PATL1: variants seen among roughly 807,000 people sequenced by gnomAD.
PATL1 encodes protein PAT1 homolog 1.
A neutral mutation model predicts 100.6 loss-of-function variants in PATL1; 32 were observed. The ratio of observed to expected loss-of-function variants is 0.32; its 90% confidence interval spans 0.24 to 0.43. PATL1 has a LOEUF of 0.43. Among genes scored for constraint, PATL1 ranks in the 20% least tolerant of loss-of-function variants. The pLI is 1.00. For synonymous variants in PATL1, 332 were observed against 330.0 expected, an observed-to-expected ratio of 1.01 and a Z score of -0.07; for missense variants, 747 against 949.9, an observed-to-expected ratio of 0.79 and a Z score of 2.81.
intron 16 of PATL1, among the ~76,000 whole-genome samples, chr11:59,640,147 G>A (rs1861255664): frequency 6.6e-6 from 1 of 150,832 alleles, no homozygotes; most frequent in Admixed American, 6.6e-5. Flanking sequence ...TTTGAGACCA[G>A]CCTGATCAAA....
intron 5 of PATL1, 78 bp downstream of exon 5, chr11:59,657,452 C>G (rs769185514): frequency 6.8e-6 from 9 of 1,324,668 alleles, no homozygotes; most frequent in Non-Finnish European, 9.1e-6. Context: ...CCACCCTCCA[C>G]CCAACATCAC....
intron 1 of PATL1, 26 bp downstream of exon 1, chr11:59,668,855 G>A (rs1033917731): frequency 3.0e-6 from 4 of 1,311,534 alleles, no homozygotes; most frequent in Non-Finnish European, 4.1e-6. Flanking sequence ...GGGAGGGAGG[G>A]GTCACTTCCG....
rs181147802 is a variant in PATL1 at position 59,654,748 on chromosome 11, C to A, written c.1032-676G>T. Among the ~76,000 whole-genome samples the A allele has an allele frequency of 1.3e-4, 20 of 152,152 alleles. No homozygotes were observed. In the East Asian group the frequency reaches 2.9e-3, roughly 22 times the overall value. On this transcript the variant is annotated intron_variant, in intron 8 of 18. Coordinates refer to ENST00000300146, the MANE Select transcript of PATL1 (RefSeq NM_152716.3). ...ATGTGTGACAGTTAATATGGCTAGG[C>A]CTTAGTACCCAGTTATTTGGTCAAA...
In PATL1 at chr11:59,651,570, C is replaced by A. The variant is rs955238783; in HGVS notation, c.1498G>T (p.Val500Phe). 3 of 1,611,576 alleles carry A rather than the reference C, an allele frequency of 1.9e-6. No individual in the cohort carries two copies. The highest frequency in any genetic ancestry group is 2.5e-6 in the Non-Finnish European group (3 of 1,178,996). Residue 500 changes from valine to phenylalanine, a missense_variant, in exon 12 of 19, where the codon GTT becomes TTT. Coordinates refer to ENST00000300146, the MANE Select transcript of PATL1 (RefSeq NM_152716.3). ...TCATCCTCACTCCGAGATGTCACAACAGCATCAATCATTTTTCGGGGATTA... is the reference window on the plus strand; with the variant it reads ...TCATCCTCACTCCGAGATGTCACAAAAGCATCAATCATTTTTCGGGGATTA... Reference protein sequence around the residue: ...VNNPRKMIDAVVTSRSEDDET... With the variant: ...VNNPRKMIDAFVTSRSEDDET...
chr11:59,668,902 G>T lies in PATL1; in HGVS notation c.-7C>A. 2 of 952,472 alleles carry T rather than the reference G, an allele frequency of 2.1e-6. No homozygotes were observed. Among genetic ancestry groups the T allele is most frequent in the Non-Finnish European group, 2.9e-6 (2 of 682,680 alleles). The allele number at this position is 952,472 out of a possible 1,614,324, so 59.0% of individuals were successfully genotyped here. On this transcript the variant is annotated 5_prime_UTR_variant, in exon 1 of 19. Transcript: ENST00000300146. ...TCACCTCGTAGCGGAACATTCTTGG[G>T]GAGGGGGGCAGGGAGCGGGGAGGGG...
chr11:59,655,797 T>G, intron 7 of PATL1, 57 bp from the exon 8 acceptor site: 1 of 1,483,184 alleles, frequency 6.7e-7, no homozygotes, highest in Non-Finnish European at 9.2e-7. Context: ...CTTGCTTTTG[T>G]CTACAGAAAA....
intron 15 of PATL1, among the ~76,000 whole-genome samples, chr11:59,645,341 T>A: frequency 7.2e-6 from 1 of 138,034 alleles, no homozygotes; most frequent in African/African-American, 2.7e-5. Flanking sequence ...GGCTCCTCAC[T>A]TCCCAGTAGG....
At position 59,653,037 on chromosome 11, in the gene PATL1, A is replaced by G. The variant is rs747311458; in HGVS notation, c.1122-19T>C. On this transcript the variant is annotated intron_variant, in intron 9 of 18. Transcript: ENST00000300146. ...ATGCTGACTGAAAAACATACACCAC[A>G]TTCATTCCATGTGGGCAAATTAATT... is the stretch of plus-strand genomic sequence containing the variant. 3.2e-6 allele frequency: 5 copies of G among 1,582,606 alleles called. No individual in the cohort carries two copies. The highest frequency in any genetic ancestry group is 4.3e-6 in the Non-Finnish European group (5 of 1,158,436).
At chr11:59,645,923 G>C (rs1433558262) in intron 15 of PATL1, among the ~76,000 whole-genome samples, 1 of 152,106 alleles carries the variant, frequency 6.6e-6, no homozygotes, top group African/African-American at 2.4e-5. Context: ...TAGAGATGTG[G>C]TTTATTACTC....
At position 59,651,741 on chromosome 11, in the gene PATL1, T is replaced by C. The variant is rs903330890; in HGVS notation, c.1427-100A>G. ...ATTTTTACTTTCCTCTGTCCCTTAC[T>C]CATAGTCTAATAACTTACTGCAAAA... On this transcript the variant is annotated intron_variant, in intron 11 of 18. Transcript: ENST00000300146. The C allele has an allele frequency of 4.0e-6, 3 of 753,460 alleles. No homozygotes were observed. The African/African-American group carries it at 5.3e-5, about 13-fold the overall frequency. The allele number at this position is 753,460 out of a possible 1,614,324, so 46.7% of individuals were successfully genotyped here.
chr11:59,663,248 C>T (rs1295808059), intron 2 of PATL1, among the ~76,000 whole-genome samples: 2 of 152,132 alleles, frequency 1.3e-5, no homozygotes, highest in Admixed American at 1.3e-4. Context: ...TTACTGAATT[C>T]CTGGCTGCTT....
In PATL1 at chr11:59,655,923, G is replaced by T; in HGVS notation, c.813+33C>A. The T allele has an allele frequency of 5.3e-6, 8 of 1,501,968 alleles. No homozygotes were observed. In the Admixed American group the frequency reaches 1.5e-4, roughly 29 times the overall value. 93.0% of individuals were successfully genotyped at this position (1,501,968 alleles called of 1,614,324 possible). ...TAATGAACTTTAGGAAAGTAGGAGAGTTCTTTATGGGTAGGGCTAATCACA... is the reference window on the plus strand; with the variant it reads ...TAATGAACTTTAGGAAAGTAGGAGATTTCTTTATGGGTAGGGCTAATCACA... On this transcript the variant is annotated intron_variant, in intron 7 of 18. Transcript: ENST00000300146.
intron 2 of PATL1, among the ~76,000 whole-genome samples, chr11:59,661,352 C>G (rs1444078343): frequency 1.3e-5 from 2 of 152,194 alleles, no homozygotes; most frequent in Non-Finnish European, 2.9e-5. Context: ...TTCCAAAGAG[C>G]TGGGATCACA....
At chr11:59,655,812 A>G in intron 7 of PATL1, 72 bp from the exon 8 acceptor site, 1 of 1,440,658 alleles carries the variant, frequency 6.9e-7, no homozygotes. Context: ...AGAAAAGTGA[A>G]TACGGTTTTC....
intron 2 of PATL1, among the ~76,000 whole-genome samples, chr11:59,662,276 C>G (rs1861636594): frequency 6.6e-6 from 1 of 152,170 alleles, no homozygotes; most frequent in South Asian, 2.1e-4. Context: ...ATAAAAATAT[C>G]CTTACTTAAG....
Position 59,647,817 on chromosome 11 carries a change from A to C in PATL1, c.1830T>G (p.Ala610=). The C allele has an allele frequency of 6.2e-7, 1 of 1,613,942 alleles. No homozygotes were observed. The highest frequency in any genetic ancestry group is 1.6e-4 in the Middle Eastern group (1 of 6,062). Reference sequence around the variant, plus strand: ...TCCTGGCTGTTGTCATGAGAATGTCAGCTGCTTGCTCTGTGGAGAGGAAAG... The same window carrying C: ...TCCTGGCTGTTGTCATGAGAATGTCCGCTGCTTGCTCTGTGGAGAGGAAAG... ...ILPFLSTEQA[A]DILMTTARNL... The change falls in exon 15 of 19, where the codon GCT becomes GCG. Residue 610 remains alanine (A), a synonymous_variant. Transcript: ENST00000300146.
intron 9 of PATL1, among the ~76,000 whole-genome samples, chr11:59,653,745 T>C (rs1015162082): frequency 1.3e-5 from 2 of 152,212 alleles, no homozygotes; most frequent in Non-Finnish European, 2.9e-5. Context: ...TGTCTTTAAA[T>C]ATTACACAGT....
Position 59,643,009 on chromosome 11 carries a change from G to A in PATL1, c.1920C>T (p.Phe640=), listed in dbSNP as rs564974514. ...ATGGAAGATGATAGAGAAGGAGAGAGAAGGGACTCAGTAAGCATGGCAGCA... is the reference window on the plus strand; with the variant it reads ...ATGGAAGATGATAGAGAAGGAGAGAAAAGGGACTCAGTAAGCATGGCAGCA... The part of the protein sequence containing the change: ...DEVLPCLLSP[F]SLLLYHLPSV... The change falls in exon 16 of 19, where the codon TTC becomes TTT. Residue 640 remains phenylalanine (F), a synonymous_variant. Transcript: ENST00000300146. The A allele has an allele frequency of 5.2e-5, 84 of 1,613,960 alleles. No individual in the cohort carries two copies. In the Middle Eastern group the frequency reaches 1.3e-3, roughly 25 times the overall value.
Position 59,639,307 on chromosome 11 carries a change from G to A in PATL1, c.2126C>T (p.Thr709Ile). ...CCACACTGACCACTGATTATTTTGT[G>A]TTGATTCTGTAGCAGGGTCTGAACT... ...LQSSDPATESTQNNQWTEVMF... is the reference protein window; with the variant it reads ...LQSSDPATESIQNNQWTEVMF... The change falls in exon 17 of 19, where the codon ACA (threonine) becomes ATA (isoleucine). Residue 709 changes from threonine to isoleucine, a missense_variant. This residue lies in a region of PATL1 where 434 missense variants were observed against 596.1 expected (regional missense o/e 0.73). Transcript: ENST00000300146. The A allele has an allele frequency of 1.3e-6, 2 of 1,552,482 alleles. No homozygotes were observed. Among genetic ancestry groups the A allele is most frequent in the Non-Finnish European group, 1.7e-6 (2 of 1,147,504 alleles).
Sources: allele counts gnomAD v4.1 joint callset (sites outside exome capture counted in the v4.1 genomes callset), GRCh38; gene constraint gnomAD v4.1.1; regional missense constraint gnomAD v4.1.1; transcripts MANE v1.5; gene names NCBI Gene and HGNC (gene_info 2026-07-23, HGNC 2026-07-21).